Variants in GALNT8 observed in about 807,000 individuals in gnomAD.
GALNT8 encodes the protein probable polypeptide N-acetylgalactosaminyltransferase 8.
Under a neutral mutation model 62.7 loss-of-function variants are expected in GALNT8, and 66 were observed. That is an observed-to-expected ratio of 1.05 (90% confidence interval 0.86 to 1.29). GALNT8 has a LOEUF of 1.29. GALNT8 is among the 50% of genes most tolerant of loss of function. The pLI, the probability that GALNT8 is intolerant of heterozygous loss-of-function variation, is 0.00. For synonymous variants in GALNT8, 288 were observed against 294.3 expected (o/e 0.98, Z 0.22); for missense variants, 771 against 791.8 (o/e 0.97, Z 0.32).
Position 4,772,567 on chromosome 12 carries a change from C to CA in GALNT8, c.1885dup (p.Arg629LysfsTer31), listed in dbSNP as rs764764614. The CA allele has an allele frequency of 8.3e-5, 134 of 1,613,906 alleles. No homozygotes were observed. The South Asian group carries it at 1.3e-3, about 15-fold the overall frequency. On this transcript the variant is annotated frameshift_variant, in exon 11 of 11. Coordinates refer to ENST00000252318, the MANE Select transcript of GALNT8 (RefSeq NM_017417.2). LOFTEE classifies it low-confidence loss of function (END_TRUNC). ...AAGTGTGGGAAATCCAGCACACTGTCAGAGACTGGGGTCAGACCAACAGCC... is the reference window on the plus strand; with the variant it reads ...AAGTGTGGGAAATCCAGCACACTGTCAAGAGACTGGGGTCAGACCAACAGCC...
At chr12:4,727,242 A>G (rs1319106163) in intron 2 of GALNT8, among the ~76,000 whole-genome samples, 1 of 151,744 alleles carries the variant, frequency 6.6e-6, no homozygotes, top group South Asian at 2.1e-4. Flanking sequence ...TGGTAAATCT[A>G]ATTTGAAGAG....
At chr12:4,739,526 A>G (rs1300096141) in intron 3 of GALNT8, among the ~76,000 whole-genome samples, 197 bp downstream of exon 3, 1 of 152,184 alleles carries the variant, frequency 6.6e-6, no homozygotes, top group East Asian at 1.9e-4. Context: ...AATTATCTCT[A>G]CATGGATGAG....
chr12:4,757,666 A>T (rs1946351142), intron 6 of GALNT8, among the ~76,000 whole-genome samples: 1 of 152,188 alleles, frequency 6.6e-6, no homozygotes, highest in Non-Finnish European at 1.5e-5. Context: ...GCCATTACCT[A>T]GTTACATGGC....
intron 6 of GALNT8, among the ~76,000 whole-genome samples, chr12:4,756,969 G>A (rs1946347962): frequency 6.6e-6 from 1 of 151,844 alleles, no homozygotes; most frequent in Non-Finnish European, 1.5e-5. Flanking sequence ...GGATCATGTC[G>A]GGGGGGTTTT....
chr12:4,734,464 C>G (rs1001362842), intron 2 of GALNT8, among the ~76,000 whole-genome samples: 1 of 152,088 alleles, frequency 6.6e-6, no homozygotes, highest in African/African-American at 2.4e-5. Context: ...TTTTTGTGGT[C>G]TAGTATTGCC....
chr12:4,737,912 C>T (rs1227192018), intron 2 of GALNT8, among the ~76,000 whole-genome samples: 2 of 152,164 alleles, frequency 1.3e-5, no homozygotes, highest in African/African-American at 4.8e-5. Flanking sequence ...TACTAGCCTC[C>T]AGAACCAGGA....
intron 2 of GALNT8, among the ~76,000 whole-genome samples, chr12:4,729,441 C>A (rs116950023): frequency 2.6e-5 from 4 of 152,112 alleles, no homozygotes; most frequent in Admixed American, 6.5e-5. Context: ...GCCCAGCCCC[C>A]ACCCTGGCTC....
In GALNT8 at chr12:4,771,714, G is replaced by C. The variant is rs17177087; in HGVS notation, c.1762-731G>C. Among the ~76,000 whole-genome samples, 1,177 of 152,298 alleles carry C rather than the reference G, an allele frequency of 7.7e-3. 21 individuals carry two copies. Among genetic ancestry groups the C allele is most frequent in the East Asian group, 0.056 (291 of 5,176 alleles). ...GTAGATCATGTGAGTCCTGCAAAGG[G>C]TGGAGAGGGAACGTGGGAGAGAGAG... On this transcript the variant is annotated intron_variant, in intron 10 of 10. Transcript: ENST00000252318.
chr12:4,734,616 G>A (rs191986332), intron 2 of GALNT8, among the ~76,000 whole-genome samples: 13 of 150,498 alleles, frequency 8.6e-5, no homozygotes, highest in South Asian at 2.1e-4. Flanking sequence ...GTATTATGGC[G>A]TCCACATGTG....
intron 3 of GALNT8, among the ~76,000 whole-genome samples, chr12:4,741,705 G>A (rs993881395): frequency 7.9e-5 from 12 of 152,112 alleles, no homozygotes; most frequent in Middle Eastern, 3.4e-3. Context: ...TTACAAACAC[G>A]GGGTAGACAC....
chr12:4,750,623 G>C (rs1465087315), intron 6 of GALNT8, among the ~76,000 whole-genome samples: 2 of 151,992 alleles, frequency 1.3e-5, no homozygotes, highest in Non-Finnish European at 2.9e-5. Flanking sequence ...TCATGTCTTT[G>C]CTATTGTGAA....
intron 2 of GALNT8, among the ~76,000 whole-genome samples, chr12:4,727,547 A>C (rs1450343863): frequency 6.6e-6 from 1 of 152,128 alleles, no homozygotes; most frequent in East Asian, 1.9e-4. Context: ...AACCACCACT[A>C]ATCTACTTTT....
At position 4,732,241 on chromosome 12, in the gene GALNT8, A is replaced by G. The variant is rs373643792; in HGVS notation, c.509+5412A>G. On this transcript the variant is annotated intron_variant, in intron 2 of 10. Coordinates refer to ENST00000252318, the MANE Select transcript of GALNT8 (RefSeq NM_017417.2). ...AGTTTCAGGCAAAATTGTGATATGA[A>G]TAAAGTTTATCTTTCCAGCTGTAGC... Among the ~76,000 whole-genome samples the G allele has an allele frequency of 3.3e-5, 5 of 152,356 alleles. No homozygotes were observed. The East Asian group carries it at 9.6e-4, about 29-fold the overall frequency.
chr12:4,766,505 A>G (rs1946400526), intron 10 of GALNT8, among the ~76,000 whole-genome samples: 1 of 152,220 alleles, frequency 6.6e-6, no homozygotes, highest in African/African-American at 2.4e-5. Context: ...GTGGAATACT[A>G]TGCTGAAATC....
chr12:4,759,688 A>G (rs192678828), intron 6 of GALNT8, among the ~76,000 whole-genome samples: 6 of 152,208 alleles, frequency 3.9e-5, no homozygotes, highest in African/African-American at 1.4e-4. Flanking sequence ...CACTCTTGAT[A>G]AGTTAACTGA....
intron 7 of GALNT8, 124 bp from the exon 8 acceptor site, chr12:4,763,124 AGTTGG>A: frequency 1.4e-6 from 1 of 705,236 alleles, no homozygotes; most frequent in South Asian, 1.8e-5. Flanking sequence ...CTATCCATTA[AGTTGG>A]GTTGCAGTCC....
chr12:4,736,231 G>A (rs1161240146), intron 2 of GALNT8, among the ~76,000 whole-genome samples: 1 of 152,096 alleles, frequency 6.6e-6, no homozygotes, highest in Non-Finnish European at 1.5e-5. Flanking sequence ...CCAGCACTAG[G>A]GGCTTAGGGC....
intron 2 of GALNT8, among the ~76,000 whole-genome samples, chr12:4,735,504 A>C (rs1946240562): frequency 6.6e-6 from 1 of 152,160 alleles, no homozygotes; most frequent in South Asian, 2.1e-4. Context: ...CCCACATTTC[A>C]CACCTTCTCC....
At chr12:4,766,498 G>C (rs1472083249) in intron 10 of GALNT8, among the ~76,000 whole-genome samples, 1 of 152,172 alleles carries the variant, frequency 6.6e-6, no homozygotes, top group Non-Finnish European at 1.5e-5. Context: ...AGAGGGTGTG[G>C]AATACTATGC....
Sources: allele counts gnomAD v4.1 joint callset (sites outside exome capture counted in the v4.1 genomes callset), GRCh38; gene constraint gnomAD v4.1.1; transcripts MANE v1.5; gene names NCBI Gene and HGNC (gene_info 2026-07-23, HGNC 2026-07-21).